Variants in CRAMP1 observed in about 807,000 individuals in gnomAD.
CRAMP1 encodes the protein protein cramped-like.
CRAMP1 carries 50 observed loss-of-function variants against 115.4 expected under a neutral mutation model. The ratio of observed to expected loss-of-function variants is 0.43; its 90% confidence interval spans 0.35 to 0.55. CRAMP1 has a LOEUF of 0.55. Ranked by LOEUF, CRAMP1 falls within the 20% of genes least tolerant of loss-of-function variation. The pLI is 0.01. For missense variants in CRAMP1, 1,679 were observed against 1,721.7 expected, an observed-to-expected ratio of 0.98 and a Z score of 0.44; for synonymous variants, 866 against 745.4, an observed-to-expected ratio of 1.16 and a Z score of -2.64.
intron 2 of CRAMP1, chr16:1,625,764 T>C (rs1373041686): frequency 3.9e-6 from 2 of 512,560 alleles, no homozygotes; most frequent in Non-Finnish European, 3.5e-6. Context: ...GTAAAAACAT[T>C]TGAGGGTCAT....
Position 1,676,887 on chromosome 16 carries a change from T to C in CRAMP1, c.*2842T>C, listed in dbSNP as rs545596404. The C allele has an allele frequency of 3.9e-5, 6 of 152,292 alleles. No individual in the cohort carries two copies. Among genetic ancestry groups the C allele is most frequent in the Admixed American group, 6.5e-5 (1 of 15,276 alleles). The allele number at this position is 152,292 out of a possible 1,614,324, so 9.4% of individuals were successfully genotyped here. A position where few individuals can be genotyped will look rare whatever the true frequency, so the allele number is the denominator to read the frequency against. ...CAGGGAGTGGGGTGTTGGCGGCGTT[T>C]CCGCGGTTGGCCTCCTTGCTTTGCC... On this transcript the variant is annotated 3_prime_UTR_variant, in exon 21 of 21. Coordinates refer to ENST00000397412, the MANE Select transcript of CRAMP1 (RefSeq NM_020825.4).
intron 4 of CRAMP1, among the ~76,000 whole-genome samples, chr16:1,636,737 G>A (rs74960954): frequency 0.023 from 3,484 of 152,350 alleles, 234 homozygotes; most frequent in Admixed American, 0.13. Context: ...TGGCCCAAGC[G>A]CCTCAGAATT....
rs551853894 is a variant in CRAMP1, at chr16:1,638,476, T to C, written c.778+569T>C. Among the ~76,000 whole-genome samples the C allele has an allele frequency of 7.9e-5, 12 of 152,320 alleles. No homozygotes were observed. In the East Asian group the frequency reaches 2.3e-3, roughly 29 times the overall value. On this transcript the variant is annotated intron_variant, in intron 5 of 20. Coordinates refer to ENST00000397412, the MANE Select transcript of CRAMP1 (RefSeq NM_020825.4). Reference sequence around the variant, plus strand: ...ACATTGCAACGCGCTCAGGCCTTCCTCACGCAGGCCCTTGCTTGGATTTGT... The same window carrying C: ...ACATTGCAACGCGCTCAGGCCTTCCCCACGCAGGCCCTTGCTTGGATTTGT...
chr16:1,646,287 G>A (rs918968901), intron 6 of CRAMP1, among the ~76,000 whole-genome samples: 1 of 152,186 alleles, frequency 6.6e-6, no homozygotes, highest in Non-Finnish European at 1.5e-5. Context: ...AGGAGGAGGT[G>A]GGAGTGTGTG....
rs898802543 is a variant in CRAMP1, at chr16:1,614,487, C to CGGCGGGCTCG, written c.-1-134_-1-125dup. On this transcript the variant is annotated intron_variant, in intron 1 of 20. Coordinates refer to ENST00000397412, the MANE Select transcript of CRAMP1 (RefSeq NM_020825.4). The surrounding 1 kb of genome is among the most constrained non-coding windows in gnomAD (Gnocchi z 4.4). ...GGCGGCGTGGGGGCGGCAGGGGCCG[C>CGGCGGGCTCG]GGCGGGCTCGGGCGGGCTCGGGCGG... Among the ~76,000 whole-genome samples, 107 of 131,830 alleles carry CGGCGGGCTCG rather than the reference C, an allele frequency of 8.1e-4. No individual in the cohort carries two copies. Among genetic ancestry groups the CGGCGGGCTCG allele is most frequent in the East Asian group, 3.8e-3 (15 of 3,932 alleles). The allele number at this position is 131,830 out of a possible 152,430, so 86.5% of individuals were successfully genotyped here.
chr16:1,646,992 C>T, intron 6 of CRAMP1: 1 of 702,316 alleles, frequency 1.4e-6, no homozygotes, highest in Non-Finnish European at 2.6e-6. Flanking sequence ...GTTCTGTCAA[C>T]TTTTGTGACC....
chr16:1,617,914 T>C (rs1428007766), intron 2 of CRAMP1, among the ~76,000 whole-genome samples: 2 of 152,214 alleles, frequency 1.3e-5, no homozygotes, highest in East Asian at 3.8e-4. Context: ...TTTAAATGAG[T>C]GCAGAACCTG....
intron 16 of CRAMP1, 28 bp from the exon 17 acceptor site, chr16:1,667,307 G>A (rs1215163142): frequency 1.2e-6 from 2 of 1,607,334 alleles, no homozygotes. Context: ...GCACCCTGCG[G>A]CTGCTCATGG....
At chr16:1,641,225 G>T (rs1350012818) in intron 6 of CRAMP1, 38 bp downstream of exon 6, 3 of 1,471,256 alleles carry the variant, frequency 2.0e-6, no homozygotes, top group East Asian at 4.5e-5. Context: ...CACTTCTCTG[G>T]GTGTTTTGTG....
At position 1,632,059 on chromosome 16, in the gene CRAMP1, A is replaced by C. The variant is rs59622083; in HGVS notation, c.541-153A>C. 3.7e-4 allele frequency among the ~76,000 whole-genome samples: 56 copies of C among 152,334 alleles called. No homozygotes were observed. In the East Asian group the frequency reaches 0.01, roughly 28 times the overall value. On this transcript the variant is annotated intron_variant, in intron 3 of 20. Transcript: ENST00000397412. Reference sequence around the variant, plus strand: ...CTAAGGTTCCAGGGAGTCGAAGTTCAAGTTCATACACAGATAAGAGCTTGG... The same window carrying C: ...CTAAGGTTCCAGGGAGTCGAAGTTCCAGTTCATACACAGATAAGAGCTTGG...
At chr16:1,655,114 C>A in intron 8 of CRAMP1, 105 bp from the exon 9 acceptor site, 1 of 1,009,408 alleles carries the variant, frequency 9.9e-7, no homozygotes. Flanking sequence ...CCAGAGGTCC[C>A]TTGTCTCTTT....
At chr16:1,652,410 C>T (rs1247242996) in intron 6 of CRAMP1, 86 bp from the exon 7 acceptor site, 2 of 1,256,548 alleles carry the variant, frequency 1.6e-6, no homozygotes, top group African/African-American at 1.5e-5. Context: ...CCCACCTGGC[C>T]TGGCTCAGCG....
rs2142214278 is a variant in CRAMP1, at chr16:1,676,461, A to G, written c.*2416A>G. ...ATACATTTTCTTCTGGCCTAAATGAATATTTATGTGCAAACATAGGCAACT... is the reference window on the plus strand; with the variant it reads ...ATACATTTTCTTCTGGCCTAAATGAGTATTTATGTGCAAACATAGGCAACT... On this transcript the variant is annotated 3_prime_UTR_variant, in exon 21 of 21. Coordinates refer to ENST00000397412, the MANE Select transcript of CRAMP1 (RefSeq NM_020825.4). 1 of 152,382 alleles carries G rather than the reference A, an allele frequency of 6.6e-6. No homozygotes were observed. The highest frequency in any genetic ancestry group is 2.1e-4 in the South Asian group (1 of 4,832). 9.4% of individuals were successfully genotyped at this position (152,382 alleles called of 1,614,324 possible). A position where few individuals can be genotyped will look rare whatever the true frequency, so the allele number is the denominator to read the frequency against.
intron 7 of CRAMP1, 125 bp downstream of exon 7, chr16:1,652,706 G>A: frequency 1.2e-6 from 1 of 841,962 alleles, no homozygotes; most frequent in Non-Finnish European, 1.9e-6. Context: ...TAATCCCAGG[G>A]CTGCACATGG....
intron 2 of CRAMP1, chr16:1,625,667 T>G: frequency 4.2e-6 from 1 of 239,786 alleles, no homozygotes; most frequent in Non-Finnish European, 8.1e-6. Flanking sequence ...AAGGGATCTC[T>G]GTCTCCATTG....
chr16:1,643,210 G>A (rs1242884007), intron 6 of CRAMP1, among the ~76,000 whole-genome samples: 1 of 152,172 alleles, frequency 6.6e-6, no homozygotes, highest in African/African-American at 2.4e-5. Flanking sequence ...AGAGGTGCTG[G>A]CTAAAGTGTG....
chr16:1,647,083 G>T, intron 6 of CRAMP1: 1 of 702,956 alleles, frequency 1.4e-6, no homozygotes, highest in Non-Finnish European at 2.6e-6. Context: ...TGACTGAGGT[G>T]CCTGTGGGAG....
intron 4 of CRAMP1, among the ~76,000 whole-genome samples, chr16:1,633,242 G>A (rs1567450413): frequency 6.6e-6 from 1 of 152,222 alleles, no homozygotes. Context: ...TCTTGACCAT[G>A]GTGCATCAGC....
At position 1,647,017 on chromosome 16, in the gene CRAMP1, A is replaced by G. The variant is rs1596490326; in HGVS notation, c.828-5479A>G. ...CTTTTGTGACCGTTCTTTGACCAGC[A>G]GACATTCGTATTTACAAACAAACAG... On this transcript the variant is annotated intron_variant, in intron 6 of 20. Coordinates refer to ENST00000397412, the MANE Select transcript of CRAMP1 (RefSeq NM_020825.4). 16 of 702,888 alleles carry G rather than the reference A, an allele frequency of 2.3e-5. No homozygotes were observed. In the East Asian group the frequency reaches 4.3e-4, roughly 19 times the overall value. 43.5% of individuals were successfully genotyped at this position (702,888 alleles called of 1,614,324 possible). A position where few individuals can be genotyped will look rare whatever the true frequency, so the allele number is the denominator to read the frequency against.
Sources: gnomAD v4.1 joint callset for allele counts (sites outside exome capture counted in the v4.1 genomes callset) on GRCh38, gnomAD v4.1.1 for gene constraint, Gnocchi (gnomAD v3.1) non-coding constraint, MANE v1.5 for transcripts, NCBI Gene and HGNC (gene_info 2026-07-23, HGNC 2026-07-21) for gene names.